Variants in CSMD3 observed in about 807,000 individuals in gnomAD.
CSMD3 encodes CUB and Sushi multiple domains 3.
CSMD3 carries 177 observed loss-of-function variants against 435.2 expected under a neutral mutation model. The observed-to-expected ratio is 0.41, with a 90% CI of 0.36 to 0.46. The LOEUF (loss-of-function observed/expected upper bound fraction) is 0.46, where lower values mean the gene tolerates loss of function less well. CSMD3 is among the 20% of genes least tolerant of loss of function. CSMD3 has a pLI of 0.34. For synonymous variants in CSMD3, 1,656 were observed against 1,520.5 expected (o/e 1.09, Z -2.07); for missense variants, 4,265 against 4,504.6 (o/e 0.95, Z 1.52).
At chr8:113,301,780 T>C (rs1028672811) in intron 2 of CSMD3, among the ~76,000 whole-genome samples, 3 of 152,078 alleles carry the variant, frequency 2.0e-5, no homozygotes, top group Non-Finnish European at 4.4e-5. Context: ...TCAGTATCTT[T>C]TAAATAACTT....
chr8:112,408,857 A>G (rs1179812174), intron 33 of CSMD3, 62 bp downstream of exon 33: 1 of 1,611,790 alleles, frequency 6.2e-7, no homozygotes, highest in Non-Finnish European at 8.5e-7. Context: ...CTTTCACTAC[A>G]ATACTAATCA....
intron 16 of CSMD3, among the ~76,000 whole-genome samples, chr8:112,678,641 T>A (rs547574260): frequency 1.6e-4 from 24 of 152,118 alleles, no homozygotes; most frequent in Non-Finnish European, 3.2e-4. Flanking sequence ...TATACTGATT[T>A]CCATTGTTCT....
chr8:112,699,136 C>T (rs1429148183), intron 13 of CSMD3, among the ~76,000 whole-genome samples: 1 of 152,144 alleles, frequency 6.6e-6, no homozygotes, highest in Non-Finnish European at 1.5e-5. Context: ...CCCTTCCATG[C>T]TGTGGAAGCT....
At chr8:113,086,861 CTCAA>C (rs1189124819) in intron 5 of CSMD3, among the ~76,000 whole-genome samples, 3 of 152,100 alleles carry the variant, frequency 2.0e-5, no homozygotes, top group East Asian at 1.9e-4. Context: ...CGTTCATTTT[CTCAA>C]TCAAAGATCT....
At chr8:112,972,007 TAAATA>T (rs1381021709) in intron 7 of CSMD3, among the ~76,000 whole-genome samples, 2 of 152,100 alleles carry the variant, frequency 1.3e-5, no homozygotes, top group Non-Finnish European at 2.9e-5. Flanking sequence ...AGTTGTTATT[TAAATA>T]AAAGTTATAG....
intron 4 of CSMD3, among the ~76,000 whole-genome samples, chr8:113,161,938 T>C (rs1341799146): frequency 6.6e-6 from 1 of 152,160 alleles, no homozygotes; most frequent in Non-Finnish European, 1.5e-5. Flanking sequence ...ACGTTATACA[T>C]GACTAAATAA....
intron 13 of CSMD3, among the ~76,000 whole-genome samples, chr8:112,783,872 AG>A (rs1178005898): frequency 1.3e-5 from 2 of 152,060 alleles, no homozygotes; most frequent in African/African-American, 2.4e-5. Context: ...ATGTTGATAA[AG>A]GGGTCAATCC....
At chr8:113,139,912 A>G (rs1348575675) in intron 4 of CSMD3, among the ~76,000 whole-genome samples, 2 of 151,214 alleles carry the variant, frequency 1.3e-5, no homozygotes, top group Non-Finnish European at 3.0e-5. Context: ...TGGCTATATT[A>G]CTATCAGATA....
intron 7 of CSMD3, among the ~76,000 whole-genome samples, chr8:112,973,972 C>T (rs889342353): frequency 4.6e-5 from 7 of 151,764 alleles, no homozygotes; most frequent in African/African-American, 1.7e-4. Context: ...ATGAGGAATA[C>T]ATTTCCAAGG....
intron 12 of CSMD3, among the ~76,000 whole-genome samples, chr8:112,816,527 C>T (rs79311103): frequency 0.021 from 3,251 of 152,004 alleles, 58 homozygotes; most frequent in Middle Eastern, 0.048. Flanking sequence ...TGGTCTTTGT[C>T]GGTATTTGTT....
chr8:112,637,709 GTTACTGTGTAA>G lies in CSMD3; in HGVS notation c.3527-715_3527-705del, dbSNP rs559722694. The stretch of plus-strand genomic sequence containing the variant: ...CTTATCTAAAAATATTCCCAGAGCA[GTTACTGTGTAA>G]TTACAACAAAGAACAAGAGGCATTG... On this transcript the variant is annotated intron_variant, in intron 21 of 70. Coordinates refer to ENST00000297405, the MANE Select transcript of CSMD3 (RefSeq NM_198123.2). 1.1e-3 allele frequency among the ~76,000 whole-genome samples: 168 copies of G among 152,116 alleles called. 1 individual carries two copies. The highest frequency in any genetic ancestry group is 3.9e-3 in the African/African-American group (161 of 41,516).
intron 32 of CSMD3, among the ~76,000 whole-genome samples, chr8:112,420,525 A>G (rs1432350734): frequency 6.6e-6 from 1 of 152,170 alleles, no homozygotes; most frequent in Non-Finnish European, 1.5e-5. Flanking sequence ...TTCAAAGTCC[A>G]TACATTTCAT....
At chr8:112,394,765 A>G (rs986995477) in intron 35 of CSMD3, among the ~76,000 whole-genome samples, 1 of 152,228 alleles carries the variant, frequency 6.6e-6, no homozygotes, top group Non-Finnish European at 1.5e-5. Flanking sequence ...AGAAAAGAAT[A>G]TATTTCTTGA....
At chr8:113,210,323 G>C (rs2092819331) in intron 3 of CSMD3, among the ~76,000 whole-genome samples, 2 of 151,896 alleles carry the variant, frequency 1.3e-5, no homozygotes, top group Non-Finnish European at 2.9e-5. Flanking sequence ...ACAATTTTAG[G>C]CTGCTTCAAT....
intron 5 of CSMD3, among the ~76,000 whole-genome samples, chr8:113,095,528 C>T (rs1296865029): frequency 2.0e-5 from 3 of 152,054 alleles, no homozygotes; most frequent in Non-Finnish European, 4.4e-5. Context: ...ATTTTATTAG[C>T]TTATCATTCA....
chr8:112,501,287 G>A (rs1242069618), intron 30 of CSMD3, among the ~76,000 whole-genome samples: 7 of 151,410 alleles, frequency 4.6e-5, no homozygotes, highest in Non-Finnish European at 1.5e-5. Context: ...CGGGACCATA[G>A]TTAAAACAAT....
chr8:113,140,475 A>T (rs2091521462), intron 4 of CSMD3, among the ~76,000 whole-genome samples: 1 of 150,938 alleles, frequency 6.6e-6, no homozygotes, highest in South Asian at 2.1e-4. Context: ...TCAAGTAACC[A>T]GGAAACATAT....
chr8:113,246,546 C>A (rs1345658380), intron 3 of CSMD3, among the ~76,000 whole-genome samples: 1 of 151,996 alleles, frequency 6.6e-6, no homozygotes, highest in Non-Finnish European at 1.5e-5. Flanking sequence ...TATTTAAAGT[C>A]TTTGTCTAGT....
chr8:112,818,659 GC>G (rs2079445678), intron 12 of CSMD3, among the ~76,000 whole-genome samples: 1 of 152,202 alleles, frequency 6.6e-6, no homozygotes, highest in East Asian at 1.9e-4. Context: ...GGCAAGATGG[GC>G]CCCTTCTCTG....
Sources: allele counts gnomAD v4.1 joint callset (sites outside exome capture counted in the v4.1 genomes callset), GRCh38; gene constraint gnomAD v4.1.1; transcripts MANE v1.5; gene names NCBI Gene and HGNC (gene_info 2026-07-23, HGNC 2026-07-21).